KDM4A: variants seen among roughly 807,000 people sequenced by gnomAD.
The protein encoded by KDM4A is lysine demethylase 4A, also known as lysine-specific demethylase 4A.
KDM4A carries 23 observed loss-of-function variants against 127.1 expected under a neutral mutation model. The observed-to-expected ratio is 0.18, with a 90% confidence interval of 0.13 to 0.26. The LOEUF (loss-of-function observed/expected upper bound fraction) is 0.26, where lower values mean the gene tolerates loss of function less well. KDM4A is among the 10% of genes least tolerant of loss of function. The probability of loss-of-function intolerance (pLI) is 1.00; values close to 1 mark genes in which losing one functional copy is unlikely to be tolerated. For synonymous variants in KDM4A, 443 were observed against 466.5 expected, an observed-to-expected ratio of 0.95 and a Z score of 0.65; for missense variants, 890 against 1,329.1, an observed-to-expected ratio of 0.67 and a Z score of 5.14.
In KDM4A at chr1:43,667,856, G is replaced by A; in HGVS notation, c.1000G>A (p.Ala334Thr). The A allele has an allele frequency of 6.2e-7, 1 of 1,614,184 alleles. No individual in the cohort carries two copies. Among genetic ancestry groups the A allele is most frequent in the Non-Finnish European group, 8.5e-7 (1 of 1,180,030 alleles). ...GCCAGAAAGGTACAAACTTTGGAAA[G>A]CTGGGAAGGACAACACAGTTATTGA... ...FQPERYKLWK[A>T]GKDNTVIDHT... The change falls in exon 9 of 22, where the codon GCT (alanine) becomes ACT (threonine). Residue 334 changes from alanine (A) to threonine (T), a missense_variant. By Grantham distance (58) the Ala-to-Thr change is moderately conservative. Coordinates refer to ENST00000372396, the MANE Select transcript of KDM4A (RefSeq NM_014663.3).
At chr1:43,650,497 C>G (rs1476671119) in intron 1 of KDM4A, 3 of 152,392 alleles carry the variant, frequency 2.0e-5, no homozygotes, top group African/African-American at 7.2e-5. Flanking sequence ...CTTCCTGCGG[C>G]CGAGCTTCAC....
At chr1:43,696,361 G>C (rs1474342807) in intron 18 of KDM4A, among the ~76,000 whole-genome samples, 2 of 152,236 alleles carry the variant, frequency 1.3e-5, no homozygotes, top group Non-Finnish European at 2.9e-5. Flanking sequence ...ATACAAGTTT[G>C]ACAACAGTGT....
chr1:43,703,785 C>T (rs760758857), intron 20 of KDM4A, 49 bp downstream of exon 20: 2 of 1,608,956 alleles, frequency 1.2e-6, no homozygotes, highest in African/African-American at 1.3e-5. Context: ...TTGATTAATT[C>T]TGTGCTTCCT....
In KDM4A at chr1:43,704,297, G is replaced by A; in HGVS notation, c.3122G>A (p.Arg1041Gln). 1 of 1,614,020 alleles carries A rather than the reference G, an allele frequency of 6.2e-7. No homozygotes were observed. The highest frequency in any genetic ancestry group is 8.5e-7 in the Non-Finnish European group (1 of 1,180,014). The stretch of plus-strand genomic sequence containing the variant: ...AAAGAGGTTAAGCAAGAAAAGAAAC[G>A]GCAACGAGTTATCAACTCAAGATAC... ...TEKEVKQEKKRQRVINSRYRE... is the reference protein window; with the variant it reads ...TEKEVKQEKKQQRVINSRYRE... Residue 1041 changes from arginine (R) to glutamine (Q), a missense_variant, in exon 22 of 22, where the codon CGG becomes CAG. Coordinates refer to ENST00000372396, the MANE Select transcript of KDM4A (RefSeq NM_014663.3).
At chr1:43,657,040 G>C (rs1369348331) in intron 3 of KDM4A, among the ~76,000 whole-genome samples, 1 of 151,976 alleles carries the variant, frequency 6.6e-6, no homozygotes, top group African/African-American at 2.4e-5. Flanking sequence ...AGTAACTGGA[G>C]GTATAGATAG....
intron 1 of KDM4A, among the ~76,000 whole-genome samples, chr1:43,651,295 G>A (rs1284012441): frequency 6.6e-6 from 1 of 152,248 alleles, no homozygotes; most frequent in Non-Finnish European, 1.5e-5. Flanking sequence ...AGGTGGAGAT[G>A]AGTATGTAAG....
rs566945580 is a variant in KDM4A, at chr1:43,669,135, G to A, written c.1199G>A (p.Arg400Gln). 191 of 1,614,190 alleles carry A rather than the reference G, an allele frequency of 1.2e-4. 2 individuals carry two copies. The South Asian group carries it at 1.9e-3, about 16-fold the overall frequency. ...CACCGAATAGGGACAAAGAGGCACC[G>A]AGTTTGTCTTGAAATACCACAGGAG... ...AKHRIGTKRH[R>Q]VCLEIPQEVS... The change falls in exon 10 of 22, where the codon CGA becomes CAA. Residue 400 changes from arginine (R) to glutamine (Q), a missense_variant. Physicochemically the swap from Arg to Gln is conservative, Grantham distance 43. Coordinates refer to ENST00000372396, the MANE Select transcript of KDM4A (RefSeq NM_014663.3).
intron 2 of KDM4A, among the ~76,000 whole-genome samples, chr1:43,655,110 A>C (rs1660209703): frequency 6.6e-6 from 1 of 152,222 alleles, no homozygotes; most frequent in South Asian, 2.1e-4. Context: ...TCGGCCTCCC[A>C]AAGTGCTGGG....
intron 12 of KDM4A, among the ~76,000 whole-genome samples, chr1:43,684,328 C>T (rs1340046583): frequency 6.6e-6 from 1 of 152,072 alleles, no homozygotes; most frequent in Non-Finnish European, 1.5e-5. Flanking sequence ...CACGTGAAAC[C>T]CCATCTCTAC....
In KDM4A at chr1:43,665,893, G is replaced by A; in HGVS notation, c.673+148G>A. ...GGGTGAGCCACACTGGTTACCTTAA[G>A]AGGGCAGTGACGGAGCCTTTTCTTC... On this transcript the variant is annotated intron_variant, in intron 6 of 21. Coordinates refer to ENST00000372396, the MANE Select transcript of KDM4A (RefSeq NM_014663.3). 4.1e-6 allele frequency: 3 copies of A among 740,698 alleles called. No homozygotes were observed. In the South Asian group the frequency reaches 4.8e-5, roughly 12 times the overall value. 45.9% of individuals were successfully genotyped at this position (740,698 alleles called of 1,614,324 possible).
chr1:43,683,569 T>TA (rs1305478341), intron 11 of KDM4A, 115 bp from the exon 12 acceptor site: 83 of 1,219,116 alleles, frequency 6.8e-5, no homozygotes, highest in Non-Finnish European at 9.0e-5. Flanking sequence ...TTTGGTATTA[T>TA]ATGTCTTTTT....
intron 4 of KDM4A, among the ~76,000 whole-genome samples, chr1:43,660,661 C>T (rs920508997): frequency 2.6e-5 from 4 of 152,060 alleles, no homozygotes; most frequent in African/African-American, 4.8e-5. Flanking sequence ...TTAGCATAGT[C>T]GGTGGGTGGT....
chr1:43,699,316 C>T (rs529454383), intron 19 of KDM4A, among the ~76,000 whole-genome samples: 7 of 152,028 alleles, frequency 4.6e-5, no homozygotes, highest in South Asian at 2.1e-4. Context: ...AGGCTGGTTT[C>T]GATCTCGCAG....
chr1:43,654,711 G>C (rs1660197257), intron 2 of KDM4A, among the ~76,000 whole-genome samples: 2 of 89,886 alleles, frequency 2.2e-5, no homozygotes, highest in South Asian at 3.1e-4. Context: ...GAGTGTGTGT[G>C]TGTGTGTGTG....
At chr1:43,699,240 C>T (rs917393818) in intron 19 of KDM4A, among the ~76,000 whole-genome samples, 7 of 152,096 alleles carry the variant, frequency 4.6e-5, no homozygotes, top group African/African-American at 1.4e-4. Flanking sequence ...GGACTACAGG[C>T]ACATGCAGTC....
At position 43,655,614 on chromosome 1, in the gene KDM4A, G is replaced by A; in HGVS notation, c.162G>A (p.Lys54=). The A allele has an allele frequency of 2.5e-6, 4 of 1,610,546 alleles. No homozygotes were observed. Among genetic ancestry groups the A allele is most frequent in the Non-Finnish European group, 3.4e-6 (4 of 1,178,984 alleles). ...AGGTTGTTCCTCCAAAAGAGTGGAA[G>A]CCACGAGCATCCTATGATGACATTG... ...LAKVVPPKEW[K]PRASYDDIDD... The change falls in exon 3 of 22, where the codon AAG becomes AAA. Residue 54 remains lysine (K), a synonymous_variant. Coordinates refer to ENST00000372396, the MANE Select transcript of KDM4A (RefSeq NM_014663.3).
intron 11 of KDM4A, among the ~76,000 whole-genome samples, chr1:43,676,936 C>T (rs577589177): frequency 2.0e-5 from 3 of 152,274 alleles, no homozygotes; most frequent in African/African-American, 7.2e-5. Context: ...GGTCTTATTT[C>T]TTCTATCAGA....
In KDM4A at chr1:43,654,282, C is replaced by CTGA. The variant is rs1255541848; in HGVS notation, c.138+971_138+973dup. On this transcript the variant is annotated intron_variant, in intron 2 of 21. Transcript: ENST00000372396. ...ATTTCAAACGCAGATAAAGAAAAGGCTGATCTTCATCCACCTTCTCCAGTG... is the reference window on the plus strand; with the variant it reads ...ATTTCAAACGCAGATAAAGAAAAGGCTGATGATCTTCATCCACCTTCTCCAGTG... 2.0e-5 allele frequency among the ~76,000 whole-genome samples: 3 copies of CTGA among 152,216 alleles called. No homozygotes were observed. In the East Asian group the frequency reaches 5.8e-4, roughly 29 times the overall value.
In KDM4A at chr1:43,693,051, G is replaced by A. The variant is rs575085856; in HGVS notation, c.2375+740G>A. The stretch of plus-strand genomic sequence containing the variant: ...GCCTGCCCTCAAGAGTCCCAGTTAT[G>A]CTGTCCCTGAGAGATAGCTACTCTG... On this transcript the variant is annotated intron_variant, in intron 16 of 21. Coordinates refer to ENST00000372396, the MANE Select transcript of KDM4A (RefSeq NM_014663.3). The surrounding 1 kb of genome is among the most constrained non-coding windows in gnomAD (Gnocchi z 4.2). Among the ~76,000 whole-genome samples, 6 of 152,310 alleles carry A rather than the reference G, an allele frequency of 3.9e-5. No homozygotes were observed. The South Asian group carries it at 1.2e-3, about 32-fold the overall frequency.
Sources: gnomAD v4.1 joint callset for allele counts (sites outside exome capture counted in the v4.1 genomes callset) on GRCh38, gnomAD v4.1.1 for gene constraint, Gnocchi (gnomAD v3.1) non-coding constraint, MANE v1.5 for transcripts, NCBI Gene and HGNC (gene_info 2026-07-23, HGNC 2026-07-21) for gene names.